The following HDX variants were observed in gnomAD, a reference collection of about 807,000 sequenced individuals.
HDX encodes chromosome X open reading frame 43.
A neutral mutation model predicts 45.2 loss-of-function variants in HDX; 19 were observed. That is an observed-to-expected ratio of 0.42 (90% CI 0.29 to 0.62). HDX has a LOEUF of 0.62. Among genes scored for constraint, HDX ranks in the 20% least tolerant of loss-of-function variants. The probability of loss-of-function intolerance (pLI) is 0.20; values close to 1 mark genes in which losing one functional copy is unlikely to be tolerated. For synonymous variants in HDX, 188 were observed against 172.8 expected (o/e 1.09, Z -0.69); for missense variants, 532 against 493.9 (o/e 1.08, Z -0.73).
At chrX:84,377,578 T>G (rs1051614286) in intron 5 of HDX, among the ~76,000 whole-genome samples, 1 of 111,043 alleles carries the variant, frequency 9.0e-6, no homozygotes, top group African/African-American at 3.3e-5. Flanking sequence ...CAAGCAGAAA[T>G]TCCAGAGCTC....
chrX:84,475,239 C>A lies in HDX; in HGVS notation c.147+12G>T, dbSNP rs778900640. 8.4e-7 allele frequency: 1 copy of A among 1,183,709 alleles called. No homozygotes were observed. The highest frequency in any genetic ancestry group is 2.4e-5 in the Admixed American group (1 of 41,739). ...GAAGCTTTAAATTTGAGTGTAAGAC[C>A]TCAATACTTACCCTGACTACACTGA... On this transcript the variant is annotated intron_variant, in intron 3 of 10. Transcript: ENST00000373177.
chrX:84,452,327 A>C (rs1825363542), intron 4 of HDX, among the ~76,000 whole-genome samples: 1 of 111,469 alleles, frequency 9.0e-6, no homozygotes, highest in Non-Finnish European at 1.9e-5. Flanking sequence ...ACAGAAAATC[A>C]ACATATTATA....
intron 5 of HDX, among the ~76,000 whole-genome samples, chrX:84,408,872 A>G (rs745699985): frequency 9.1e-6 from 1 of 109,844 alleles, no homozygotes; most frequent in East Asian, 2.9e-4. Flanking sequence ...CTTGTATGTT[A>G]TAGGTATATA....
chrX:84,352,734 C>T (rs1202563429), intron 6 of HDX, among the ~76,000 whole-genome samples: 3 of 111,950 alleles, frequency 2.7e-5, no homozygotes, highest in African/African-American at 6.5e-5. Context: ...AAATGGATTG[C>T]TATAATTCAG....
intron 6 of HDX, among the ~76,000 whole-genome samples, chrX:84,349,623 A>G (rs1172103039): frequency 1.0e-5 from 1 of 96,647 alleles, no homozygotes; most frequent in Non-Finnish European, 2.0e-5. Flanking sequence ...ATATATATAT[A>G]TATATATAAA....
chrX:84,442,739 T>C (rs1044932458), intron 4 of HDX, among the ~76,000 whole-genome samples: 9 of 111,491 alleles, frequency 8.1e-5, no homozygotes, highest in Non-Finnish European at 1.7e-4. Flanking sequence ...AGATACCAAG[T>C]GTTTTGGATT....
At chrX:84,405,662 A>ATG (rs200777059) in intron 5 of HDX, among the ~76,000 whole-genome samples, 32 of 89,209 alleles carry the variant, frequency 3.6e-4, no homozygotes, top group East Asian at 8.1e-4. Flanking sequence ...ATATATATAT[A>ATG]TATGTGTGTG....
At chrX:84,337,001 A>T (rs2036978890) in intron 7 of HDX, 121 bp from the exon 8 acceptor site, 4 of 480,945 alleles carry the variant, frequency 8.3e-6, no homozygotes, top group Non-Finnish European at 1.4e-5. Context: ...AATTCATTTC[A>T]CACGTTTGAT....
intron 2 of HDX, among the ~76,000 whole-genome samples, chrX:84,476,566 GGAA>G (rs2040559284): frequency 1.1e-5 from 1 of 91,744 alleles, no homozygotes; most frequent in African/African-American, 4.2e-5. Flanking sequence ...AAAAAAAAGA[GGAA>G]AGAAAAGAAA....
chrX:84,388,083 A>G lies in HDX; in HGVS notation c.1306-26471T>C, dbSNP rs1396195462. 1.5e-4 allele frequency among the ~76,000 whole-genome samples: 17 copies of G among 111,968 alleles called. No homozygotes were observed. The Admixed American group carries it at 1.6e-3, about 11-fold the overall frequency. The stretch of plus-strand genomic sequence containing the variant: ...AGTTTAGTTTGGTGAAATATGAAAT[A>G]CTTGGTTATAATTTCTTTCCTTTAA... On this transcript the variant is annotated intron_variant, in intron 5 of 10. Transcript: ENST00000373177.
At chrX:84,357,124 T>C (rs944585888) in intron 6 of HDX, among the ~76,000 whole-genome samples, 1 of 111,082 alleles carries the variant, frequency 9.0e-6, no homozygotes, top group Admixed American at 9.6e-5. Context: ...AGTAGAGAAA[T>C]TGGAGAATAA....
intron 5 of HDX, among the ~76,000 whole-genome samples, chrX:84,384,341 C>T (rs1017921328): frequency 2.7e-5 from 3 of 110,582 alleles, no homozygotes; most frequent in African/African-American, 9.9e-5. Context: ...GCTTATATGC[C>T]TCCTTTTCGT....
At chrX:84,341,726 T>C (rs1369238447) in intron 7 of HDX, among the ~76,000 whole-genome samples, 1 of 109,026 alleles carries the variant, frequency 9.2e-6, no homozygotes, top group Non-Finnish European at 1.9e-5. Flanking sequence ...TTTTTTTTTT[T>C]TTCTTAATTT....
At chrX:84,446,548 G>A (rs978021500) in intron 4 of HDX, among the ~76,000 whole-genome samples, 3 of 110,884 alleles carry the variant, frequency 2.7e-5, no homozygotes, top group African/African-American at 9.8e-5. Flanking sequence ...CAAACACAAT[G>A]TCTGTTTGTT....
intron 5 of HDX, among the ~76,000 whole-genome samples, chrX:84,377,564 G>T (rs771963021): frequency 9.0e-6 from 1 of 111,146 alleles, no homozygotes; most frequent in Non-Finnish European, 1.9e-5. Context: ...TAATTAAAAC[G>T]AATCAAGCAG....
At chrX:84,383,494 G>A (rs1295101973) in intron 5 of HDX, among the ~76,000 whole-genome samples, 2 of 111,013 alleles carry the variant, frequency 1.8e-5, no homozygotes, top group Admixed American at 9.6e-5. Flanking sequence ...GAATTTCCAC[G>A]GTTATATTCA....
intron 6 of HDX, among the ~76,000 whole-genome samples, chrX:84,356,304 T>G (rs1404717197): frequency 2.7e-5 from 3 of 111,846 alleles, no homozygotes; most frequent in African/African-American, 9.7e-5. Context: ...TCTTAAAACA[T>G]ATCACCTCCA....
chrX:84,486,598 C>G (rs1488067995), intron 2 of HDX, among the ~76,000 whole-genome samples: 1 of 110,305 alleles, frequency 9.1e-6, no homozygotes, highest in Non-Finnish European at 1.9e-5. Context: ...TTCATCATTT[C>G]TGATACATAT....
At chrX:84,415,164 A>G (rs1472139653) in intron 5 of HDX, among the ~76,000 whole-genome samples, 1 of 112,093 alleles carries the variant, frequency 8.9e-6, no homozygotes, top group Non-Finnish European at 1.9e-5. Flanking sequence ...TTGATAATTA[A>G]GCTACATTTT....
Sources: allele counts gnomAD v4.1 joint callset (sites outside exome capture counted in the v4.1 genomes callset), GRCh38; gene constraint gnomAD v4.1.1; transcripts MANE v1.5; gene names NCBI Gene and HGNC (gene_info 2026-07-23, HGNC 2026-07-21).